Variants in TRPC4 observed in about 807,000 individuals in gnomAD.
TRPC4 encodes transient receptor potential cation channel subfamily C member 4, also known as short transient receptor potential channel 4.
A neutral mutation model predicts 99.4 loss-of-function variants in TRPC4; 49 were observed. The observed-to-expected ratio is 0.49, with a 90% CI of 0.39 to 0.63. The LOEUF (loss-of-function observed/expected upper bound fraction) is 0.63, where lower values mean the gene tolerates loss of function less well. TRPC4 is among the 20% of genes least tolerant of loss of function. The pLI is 0.00. For synonymous variants in TRPC4, 454 were observed against 425.9 expected, an observed-to-expected ratio of 1.07 and a Z score of -0.81; for missense variants, 898 against 1,152.9, an observed-to-expected ratio of 0.78 and a Z score of 3.20.
At chr13:37,855,337 G>GATATATATATATAT (rs59525799) in intron 1 of TRPC4, among the ~76,000 whole-genome samples, 88 of 136,582 alleles carry the variant, frequency 6.4e-4, no homozygotes, top group Non-Finnish European at 8.6e-4. Flanking sequence ...ATACAATGTA[G>GATATATATATATAT]ATATATATAT....
chr13:37,779,008 G>A (rs1956773167), intron 2 of TRPC4, among the ~76,000 whole-genome samples: 1 of 152,008 alleles, frequency 6.6e-6, no homozygotes, highest in Non-Finnish European at 1.5e-5. Context: ...CTTCAGACCT[G>A]CTGTGTCAGA....
chr13:37,674,445 TA>T, intron 4 of TRPC4, 78 bp from the exon 5 acceptor site: 1 of 1,482,954 alleles, frequency 6.7e-7, no homozygotes. Context: ...TTAACAATTA[TA>T]GATCTCGAAG....
chr13:37,705,293 G>A (rs1183960994), intron 3 of TRPC4, among the ~76,000 whole-genome samples: 3 of 152,094 alleles, frequency 2.0e-5, no homozygotes, highest in Admixed American at 6.6e-5. Flanking sequence ...ACCAGGGGCC[G>A]GATGGTGGGG....
chr13:37,785,489 A>G (rs911916933), intron 1 of TRPC4, among the ~76,000 whole-genome samples: 10 of 152,068 alleles, frequency 6.6e-5, no homozygotes, highest in African/African-American at 2.4e-4. Context: ...AAATACATGA[A>G]TTTTTATTTT....
intron 8 of TRPC4, among the ~76,000 whole-genome samples, chr13:37,649,711 A>G (rs948350663): frequency 8.5e-6 from 1 of 118,242 alleles, no homozygotes; most frequent in African/African-American, 3.2e-5. Context: ...CAGCCTGGGC[A>G]ACTGAGCGAG....
At chr13:37,814,170 G>A (rs1170166201) in intron 1 of TRPC4, among the ~76,000 whole-genome samples, 1 of 151,664 alleles carries the variant, frequency 6.6e-6, no homozygotes, top group East Asian at 1.9e-4. Context: ...AATCAAATGG[G>A]ATTTCCTCAA....
At chr13:37,759,967 T>C (rs552645101) in intron 2 of TRPC4, among the ~76,000 whole-genome samples, 4 of 152,144 alleles carry the variant, frequency 2.6e-5, no homozygotes, top group South Asian at 4.1e-4. Context: ...CATATTCTTG[T>C]GTGAAATATT....
chr13:37,720,756 T>G (rs1407137230), intron 3 of TRPC4, among the ~76,000 whole-genome samples: 1 of 152,202 alleles, frequency 6.6e-6, no homozygotes, highest in African/African-American at 2.4e-5. Context: ...TCCTATTTTG[T>G]TAACAGGAGT....
At chr13:37,735,989 AACTGTGGGGGAAAAAAAC>A (rs1251514671) in intron 3 of TRPC4, among the ~76,000 whole-genome samples, 5 of 152,162 alleles carry the variant, frequency 3.3e-5, no homozygotes, top group Admixed American at 2.6e-4. Flanking sequence ...TTTCAAATTT[AACTGTGGGGGAAAAAAAC>A]ACTTTCAGTT....
chr13:37,783,348 T>A lies in TRPC4; in HGVS notation c.-15A>T. ...AACTGAGCCATGTTTCATGCCATGC[T>A]ATTTCTTCGTCTCTGAAAGTAGAAA... On this transcript the variant is annotated 5_prime_UTR_variant, in exon 2 of 11. It removes the in-frame stop codon of an upstream open reading frame in the 5' UTR. Coordinates refer to ENST00000379705, the MANE Select transcript of TRPC4 (RefSeq NM_016179.4). The A allele has an allele frequency of 4.6e-6, 7 of 1,525,898 alleles. No individual in the cohort carries two copies. The highest frequency in any genetic ancestry group is 6.2e-6 in the Non-Finnish European group (7 of 1,137,668). The allele number at this position is 1,525,898 out of a possible 1,614,324, so 94.5% of individuals were successfully genotyped here. A position where few individuals can be genotyped will look rare whatever the true frequency, so the allele number is the denominator to read the frequency against.
At chr13:37,830,336 C>T (rs938724474) in intron 1 of TRPC4, among the ~76,000 whole-genome samples, 7 of 151,884 alleles carry the variant, frequency 4.6e-5, no homozygotes, top group Non-Finnish European at 1.0e-4. Flanking sequence ...ATAAATAAAA[C>T]ATTAAAATGG....
intron 2 of TRPC4, among the ~76,000 whole-genome samples, chr13:37,755,996 T>C (rs1956087413): frequency 6.6e-6 from 1 of 152,142 alleles, no homozygotes; most frequent in African/African-American, 2.4e-5. Flanking sequence ...GGATTATAAG[T>C]ATAAAATTTA....
intron 2 of TRPC4, among the ~76,000 whole-genome samples, chr13:37,751,713 T>C (rs1049506307): frequency 6.6e-6 from 1 of 152,026 alleles, no homozygotes; most frequent in African/African-American, 2.4e-5. Context: ...TTACTGAGTC[T>C]ATTGTCTGGC....
At chr13:37,787,125 G>A (rs1956991430) in intron 1 of TRPC4, among the ~76,000 whole-genome samples, 4 of 151,496 alleles carry the variant, frequency 2.6e-5, no homozygotes, top group Admixed American at 1.3e-4. Context: ...TGAGTTCCAA[G>A]GAACACAAAG....
At chr13:37,810,679 C>T (rs372104035) in intron 1 of TRPC4, among the ~76,000 whole-genome samples, 5 of 152,132 alleles carry the variant, frequency 3.3e-5, no homozygotes, top group South Asian at 4.2e-4. Flanking sequence ...TTAAAATCCT[C>T]ATACAAATGA....
intron 1 of TRPC4, among the ~76,000 whole-genome samples, chr13:37,866,261 C>T (rs1182496565): frequency 6.6e-6 from 1 of 151,638 alleles, no homozygotes; most frequent in East Asian, 1.9e-4. Flanking sequence ...CTTAGTGTCT[C>T]TCAAGAAGTC....
chr13:37,833,741 C>T (rs915918797), intron 1 of TRPC4, among the ~76,000 whole-genome samples: 1 of 152,128 alleles, frequency 6.6e-6, no homozygotes, highest in African/African-American at 2.4e-5. Flanking sequence ...GGTTGTGGGG[C>T]CTTTTCTCAA....
At chr13:37,679,685 T>G (rs1234482113) in intron 4 of TRPC4, among the ~76,000 whole-genome samples, 2 of 152,204 alleles carry the variant, frequency 1.3e-5, no homozygotes, top group Admixed American at 1.3e-4. Flanking sequence ...TATTCTAAAT[T>G]CGGCATTTAC....
At chr13:37,659,333 G>A (rs1952353790) in intron 6 of TRPC4, among the ~76,000 whole-genome samples, 1 of 152,104 alleles carries the variant, frequency 6.6e-6, no homozygotes, top group Admixed American at 6.5e-5. Context: ...CCCCTGTGAT[G>A]CCTGCTTCCC....
Sources: gnomAD v4.1 joint callset for allele counts (sites outside exome capture counted in the v4.1 genomes callset) on GRCh38, gnomAD v4.1.1 for gene constraint, MANE v1.5 for transcripts, NCBI Gene and HGNC (gene_info 2026-07-23, HGNC 2026-07-21) for gene names.